The following RARB variants were observed in gnomAD, a reference collection of about 807,000 sequenced individuals.
RARB encodes retinoic acid receptor beta.
A neutral mutation model predicts 51.9 loss-of-function variants in RARB; 17 were observed. That is an observed-to-expected ratio of 0.33 (90% CI 0.22 to 0.49). The LOEUF (loss-of-function observed/expected upper bound fraction) is 0.49. Among genes scored for constraint, RARB ranks in the 20% least tolerant of loss-of-function variants. The pLI is 0.99. For missense variants in RARB, 369 were observed against 550.8 expected (o/e 0.67, Z 3.30); for synonymous variants, 215 against 195.4 (o/e 1.10, Z -0.84).
chr3:25,443,557 G>A (rs1284911260), intron 1 of RARB, among the ~76,000 whole-genome samples: 1 of 151,556 alleles, frequency 6.6e-6, no homozygotes, highest in Non-Finnish European at 1.5e-5. Context: ...AGGTTGCAGT[G>A]AGCCAAGATT....
At position 25,208,879 on chromosome 3, in the gene RARB, G is replaced by C. The variant is rs573126841; in HGVS notation, c.178+34304G>C. Among the ~76,000 whole-genome samples the C allele has an allele frequency of 5.1e-4, 77 of 152,230 alleles. 1 individual carries two copies. Among genetic ancestry groups the C allele is most frequent in the African/African-American group, 1.8e-3 (76 of 41,560 alleles). On this transcript the variant is annotated intron_variant, in intron 5 of 11. Coordinates refer to the RARB transcript ENST00000383772. ...GCGCCTGCCTACTTCATTATCTTTAGAGTTCATCAAAAGGTCTTTCCTCTT... is the reference window on the plus strand; with the variant it reads ...GCGCCTGCCTACTTCATTATCTTTACAGTTCATCAAAAGGTCTTTCCTCTT...
At chr3:25,240,634 T>C (rs1702409402) in intron 5 of RARB, among the ~76,000 whole-genome samples, 1 of 152,190 alleles carries the variant, frequency 6.6e-6, no homozygotes, top group African/African-American at 2.4e-5. Context: ...ATGTCAGGTT[T>C]ATTGAGTTAC....
At chr3:25,543,985 A>T (rs76509918) in intron 3 of RARB, among the ~76,000 whole-genome samples, 2,701 of 152,338 alleles carry the variant, frequency 0.018, 80 homozygotes, top group African/African-American at 0.062. Flanking sequence ...AAAGATGTTC[A>T]TTGCAGCATT....
chr3:24,958,265 T>TTTTTTG (rs1696063972), intron 2 of RARB, among the ~76,000 whole-genome samples: 1 of 118,848 alleles, frequency 8.4e-6, no homozygotes, highest in South Asian at 2.7e-4. Context: ...GTTTTTTTTT[T>TTTTTTG]TTTTTTTTTT....
At chr3:24,958,965 C>T (rs546207613) in intron 2 of RARB, among the ~76,000 whole-genome samples, 4 of 152,270 alleles carry the variant, frequency 2.6e-5, no homozygotes, top group African/African-American at 7.2e-5. Context: ...ACAGGTGAGC[C>T]GGTGCAGGAG....
chr3:25,293,156 T>C (rs1284493704), intron 5 of RARB, among the ~76,000 whole-genome samples: 4 of 152,204 alleles, frequency 2.6e-5, no homozygotes, highest in Non-Finnish European at 5.9e-5. Flanking sequence ...GCCGTATACC[T>C]GTATCTGTAT....
At chr3:25,282,538 C>G (rs1267419515) in intron 5 of RARB, among the ~76,000 whole-genome samples, 4 of 152,186 alleles carry the variant, frequency 2.6e-5, no homozygotes, top group Non-Finnish European at 5.9e-5. Context: ...ATAGTAGAAT[C>G]TAAGCTCCAT....
chr3:25,055,048 C>T (rs770522354), intron 2 of RARB, among the ~76,000 whole-genome samples: 4 of 152,104 alleles, frequency 2.6e-5, no homozygotes, highest in Non-Finnish European at 5.9e-5. Context: ...AATTGTGACA[C>T]CGGTTTCAGA....
intron 5 of RARB, among the ~76,000 whole-genome samples, chr3:25,375,648 C>T (rs1575353463): frequency 1.3e-5 from 2 of 152,144 alleles, no homozygotes; most frequent in African/African-American, 2.4e-5. Context: ...GAGGGGTCTA[C>T]GTTTCCATAG....
At chr3:25,450,480 G>A (rs987163864) in intron 1 of RARB, among the ~76,000 whole-genome samples, 4 of 152,262 alleles carry the variant, frequency 2.6e-5, no homozygotes, top group African/African-American at 9.6e-5. Flanking sequence ...CATCTGCATT[G>A]TAGGACTCTG....
intron 3 of RARB, among the ~76,000 whole-genome samples, chr3:25,519,730 A>G (rs1220474948): frequency 6.6e-6 from 1 of 152,204 alleles, no homozygotes; most frequent in African/African-American, 2.4e-5. Flanking sequence ...GATTAAAAAA[A>G]AGAAAAGCTA....
chr3:25,066,006 C>T (rs1698654233), intron 3 of RARB, among the ~76,000 whole-genome samples: 1 of 151,842 alleles, frequency 6.6e-6, no homozygotes, highest in Non-Finnish European at 1.5e-5. Flanking sequence ...CATTTTTTTC[C>T]AGAAAATGCA....
At chr3:24,986,200 G>T (rs894426649) in intron 2 of RARB, among the ~76,000 whole-genome samples, 3 of 152,138 alleles carry the variant, frequency 2.0e-5, no homozygotes, top group Non-Finnish European at 2.9e-5. Flanking sequence ...ATGTACTAAG[G>T]CTGGAAATAT....
At chr3:25,209,073 A>C (rs953086676) in intron 5 of RARB, among the ~76,000 whole-genome samples, 2 of 152,214 alleles carry the variant, frequency 1.3e-5, no homozygotes, top group African/African-American at 2.4e-5. Flanking sequence ...CGTGTCACCT[A>C]TTCTCACTGT....
In RARB at chr3:25,580,276, A is replaced by G. The variant is rs536096591; in HGVS notation, c.610-270A>G. On this transcript the variant is annotated intron_variant, in intron 4 of 7. Transcript: ENST00000330688. ...GTAATCCCAGCTACTTGGGAAGCTG[A>G]GGCAGGAGAATCGTTTGAACCCGGG... is the stretch of plus-strand genomic sequence containing the variant. 1.9e-4 allele frequency among the ~76,000 whole-genome samples: 29 copies of G among 152,328 alleles called. 3 individuals carry two copies. The South Asian group carries it at 2.1e-3, about 11-fold the overall frequency.
intron 2 of RARB, among the ~76,000 whole-genome samples, chr3:24,865,711 C>A (rs1702835223): frequency 6.6e-6 from 1 of 152,150 alleles, no homozygotes; most frequent in Non-Finnish European, 1.5e-5. Flanking sequence ...AAAGTGAATA[C>A]AAACACAATT....
At chr3:24,829,984 C>G (rs1702258541) in intron 1 of RARB, among the ~76,000 whole-genome samples, 1 of 152,138 alleles carries the variant, frequency 6.6e-6, no homozygotes, top group African/African-American at 2.4e-5. Context: ...GAAGAAAGGG[C>G]GAGAAAAAGT....
intron 5 of RARB, among the ~76,000 whole-genome samples, chr3:25,403,098 G>T (rs770598944): frequency 9.3e-5 from 14 of 150,496 alleles, no homozygotes; most frequent in African/African-American, 2.7e-4. Flanking sequence ...GGGAGGCAGA[G>T]GTTGCAGTGA....
chr3:25,237,660 C>G (rs919405999), intron 5 of RARB, among the ~76,000 whole-genome samples: 1 of 152,038 alleles, frequency 6.6e-6, no homozygotes, highest in Non-Finnish European at 1.5e-5. Flanking sequence ...AAGTTAGACA[C>G]CCATCATCAC....
Sources: gnomAD v4.1 joint callset for allele counts (sites outside exome capture counted in the v4.1 genomes callset) on GRCh38, gnomAD v4.1.1 for gene constraint, MANE v1.5 for transcripts, NCBI Gene and HGNC (gene_info 2026-07-23, HGNC 2026-07-21) for gene names.